The following UGT2B4 variants were observed in gnomAD, a reference collection of about 807,000 sequenced individuals.
The protein encoded by UGT2B4 is UDP-glucuronosyltransferase 2B4.
Under a neutral mutation model 49.8 loss-of-function variants are expected in UGT2B4, and 49 were observed. That is an observed-to-expected ratio of 0.98 (90% confidence interval 0.78 to 1.25). The LOEUF (loss-of-function observed/expected upper bound fraction) is 1.25, where lower values mean the gene tolerates loss of function less well. Among genes scored for constraint, UGT2B4 ranks in the 50% most tolerant of loss-of-function variants. UGT2B4 has a pLI of 0.00. For synonymous variants in UGT2B4, 246 were observed against 217.7 expected (o/e 1.13, Z -1.14); for missense variants, 729 against 627.7 (o/e 1.16, Z -1.73).
Position 69,495,803 on chromosome 4 carries a change from G to C in UGT2B4, c.59C>G (p.Ser20Cys). Residue 20 changes from serine (S) to cysteine (C), a missense_variant, in exon 1 of 6, where the codon TCT (serine) becomes TGT (cysteine). Ser to Cys is a moderately radical substitution (Grantham distance 112). Transcript: ENST00000305107. ...CACCAGCACCTTTCCACAACTCCCA[G>C]AGCTAAAGTAACAGCTCAGCTGTAT... ...LLIQLSCYFSSGSCGKVLVWP... is the reference protein window; with the variant it reads ...LLIQLSCYFSCGSCGKVLVWP... The C allele has an allele frequency of 1.2e-6, 2 of 1,613,322 alleles. No individual in the cohort carries two copies. Among genetic ancestry groups the C allele is most frequent in the Non-Finnish European group, 1.7e-6 (2 of 1,179,752 alleles).
intron 1 of UGT2B4, among the ~76,000 whole-genome samples, chr4:69,504,421 T>G (rs1728420426): frequency 6.6e-6 from 1 of 152,120 alleles, no homozygotes; most frequent in Non-Finnish European, 1.5e-5. Flanking sequence ...CTGATAGAGC[T>G]GGAAATTATA....
intron 1 of UGT2B4, among the ~76,000 whole-genome samples, chr4:69,512,277 A>T (rs1298677184): frequency 2.6e-5 from 4 of 151,652 alleles, no homozygotes; most frequent in Admixed American, 2.6e-4. Flanking sequence ...TATAGTTGTG[A>T]CTACTATAAA....
At chr4:69,496,070 T>C, upstream of UGT2B4, 2 of 741,638 alleles carry the variant, frequency 2.7e-6, no homozygotes, top group Non-Finnish European at 3.7e-6. Flanking sequence ...ATGTTCTTTT[T>C]GGATTTTTTT....
At chr4:69,522,198 A>T (rs1194840870) in intron 1 of UGT2B4, among the ~76,000 whole-genome samples, 1 of 37,964 alleles carries the variant, frequency 2.6e-5, no homozygotes. Flanking sequence ...GTTACTAGTG[A>T]GAATAAGAAA....
chr4:69,508,917 G>A (rs910826512), intron 1 of UGT2B4, among the ~76,000 whole-genome samples: 2 of 152,104 alleles, frequency 1.3e-5, no homozygotes, highest in Admixed American at 1.3e-4. Flanking sequence ...TTGTGCAGCA[G>A]ATCTCTAGAA....
At chr4:69,487,661 A>G (rs1408596735) in intron 3 of UGT2B4, among the ~76,000 whole-genome samples, 4 of 152,138 alleles carry the variant, frequency 2.6e-5, no homozygotes, top group East Asian at 1.9e-4. Context: ...TACTACCTGT[A>G]AGATGAAACA....
rs371622578 is a variant in UGT2B4, at chr4:69,518,836, A to G, written c.-106+6851T>C. Among the ~76,000 whole-genome samples the G allele has an allele frequency of 5.9e-5, 9 of 152,288 alleles. No individual in the cohort carries two copies. In the South Asian group the frequency reaches 1.9e-3, roughly 32 times the overall value. On this transcript the variant is annotated intron_variant, in intron 1 of 1. Transcript: ENST00000510114. The stretch of plus-strand genomic sequence containing the variant: ...ATAATAAAAATACATTTCAAGACCT[A>G]TAAGAACCATTTTGATAAATTATAT...
At chr4:69,491,228 C>T (rs1727976494) in intron 2 of UGT2B4, among the ~76,000 whole-genome samples, 2 of 151,684 alleles carry the variant, frequency 1.3e-5, no homozygotes, top group African/African-American at 2.4e-5. Context: ...AATTTTCTAC[C>T]TCACTTTACT....
intron 3 of UGT2B4, 51 bp from the exon 4 acceptor site, chr4:69,486,747 T>C: frequency 7.4e-7 from 1 of 1,355,400 alleles, no homozygotes; most frequent in Non-Finnish European, 1.0e-6. Flanking sequence ...TCAAAAGTCA[T>C]AGAATGTTAG....
At position 69,493,980 on chromosome 4, in the gene UGT2B4, A is replaced by G. The variant is rs577353972; in HGVS notation, c.722-139T>C. 3.6e-5 allele frequency: 32 copies of G among 882,852 alleles called. 2 individuals are homozygous for G. In the South Asian group the frequency reaches 4.1e-4, roughly 11 times the overall value. 54.7% of individuals were successfully genotyped at this position (882,852 alleles called of 1,614,324 possible). On this transcript the variant is annotated intron_variant, in intron 1 of 5. Transcript: ENST00000305107. The stretch of plus-strand genomic sequence containing the variant: ...TGAAAAAAAATACATATATTCGTAT[A>G]TAGGCATAATTTAATTTTTATGTAT...
At chr4:69,489,634 AT>A (rs1206467885) in intron 2 of UGT2B4, 64 bp from the exon 3 acceptor site, 16 of 1,545,054 alleles carry the variant, frequency 1.0e-5, no homozygotes, top group Middle Eastern at 1.8e-4. Flanking sequence ...CTGTGAAAGA[AT>A]TGTTATAAAA....
chr4:69,518,421 C>A (rs1227978308), intron 1 of UGT2B4: 1 of 152,220 alleles, frequency 6.6e-6, no homozygotes, highest in African/African-American at 2.4e-5. Context: ...ACCTCACACA[C>A]TGCTGTGCAG....
chr4:69,523,892 C>A (rs1193134839), intron 1 of UGT2B4, among the ~76,000 whole-genome samples: 1 of 152,128 alleles, frequency 6.6e-6, no homozygotes, highest in Non-Finnish European at 1.5e-5. Context: ...TCAGCACCTG[C>A]TGCTTTACTT....
upstream of UGT2B4, among the ~76,000 whole-genome samples, chr4:69,496,797 T>C (rs1023117425): frequency 1.3e-5 from 2 of 152,236 alleles, no homozygotes; most frequent in African/African-American, 4.8e-5. Context: ...ATTTTATGGC[T>C]GGCTTATTTT....
At chr4:69,488,694 T>G (rs773860692) in intron 3 of UGT2B4, among the ~76,000 whole-genome samples, 1 of 152,004 alleles carries the variant, frequency 6.6e-6, no homozygotes, top group South Asian at 2.1e-4. Flanking sequence ...AATCTCATAG[T>G]GCAGCGTCCT....
chr4:69,501,019 G>A (rs1728305582), intron 1 of UGT2B4, among the ~76,000 whole-genome samples: 1 of 152,124 alleles, frequency 6.6e-6, no homozygotes, highest in South Asian at 2.1e-4. Context: ...CTAGCAAAGA[G>A]GTTGAATTCA....
intron 2 of UGT2B4, among the ~76,000 whole-genome samples, chr4:69,490,369 A>G (rs1322651031): frequency 6.6e-6 from 1 of 152,172 alleles, no homozygotes; most frequent in Non-Finnish European, 1.5e-5. Context: ...TGTGCTATTT[A>G]TAACTGCATG....
chr4:69,481,314 C>T (rs773669988), intron 5 of UGT2B4, among the ~76,000 whole-genome samples: 3 of 151,812 alleles, frequency 2.0e-5, no homozygotes, highest in African/African-American at 4.8e-5. Context: ...ATCAAGTCCA[C>T]GAAAGGTTTT....
chr4:69,525,084 G>T (rs1728950458), intron 1 of UGT2B4, among the ~76,000 whole-genome samples: 1 of 151,996 alleles, frequency 6.6e-6, no homozygotes, highest in African/African-American at 2.4e-5. Context: ...GTACATATGG[G>T]GTTTTATTTT....
Sources: gnomAD v4.1 joint callset for allele counts (sites outside exome capture counted in the v4.1 genomes callset) on GRCh38, gnomAD v4.1.1 for gene constraint, MANE v1.5 for transcripts, NCBI Gene and HGNC (gene_info 2026-07-23, HGNC 2026-07-21) for gene names.